Variants in PLCL1 observed in about 807,000 individuals in gnomAD.
PLCL1 encodes inactive phospholipase C-like protein 1.
A neutral mutation model predicts 84.4 loss-of-function variants in PLCL1; 41 were observed. The observed-to-expected ratio is 0.49, with a 90% confidence interval of 0.38 to 0.63. PLCL1 has a LOEUF of 0.63. PLCL1 is among the 30% of genes least tolerant of loss of function. The pLI is 0.00. For missense variants in PLCL1, 1,206 were observed against 1,367.8 expected (o/e 0.88, Z 1.87); for synonymous variants, 490 against 488.3 (o/e 1.00, Z -0.05).
rs1024268711 is a variant in PLCL1, at chr2:197,805,921, C to G, written c.240+582C>G. Among the ~76,000 whole-genome samples the G allele has an allele frequency of 6.6e-6, 1 of 152,184 alleles. No individual in the cohort carries two copies. The highest frequency in any genetic ancestry group is 2.4e-5 in the African/African-American group (1 of 41,440). ...GCACAACCGGAAAGCAATCAATCCC[C>G]CAAGCATTATCACTGGTCCTTGTGG... On this transcript the variant is annotated intron_variant, in intron 1 of 5. Transcript: ENST00000428675. The surrounding 1 kb of genome is among the most constrained non-coding windows in gnomAD (Gnocchi z 4.0).
At chr2:198,035,591 G>A (rs1384527630) in intron 1 of PLCL1, among the ~76,000 whole-genome samples, 2 of 152,132 alleles carry the variant, frequency 1.3e-5, no homozygotes, top group African/African-American at 2.4e-5. Flanking sequence ...GCTCCTACTA[G>A]CCAAATACAG....
At chr2:198,055,329 C>CTCTCTCTGTG (rs374518934) in intron 1 of PLCL1, among the ~76,000 whole-genome samples, 22 of 112,346 alleles carry the variant, frequency 2.0e-4, no homozygotes, top group African/African-American at 3.5e-4. Context: ...CTCTCTCTCT[C>CTCTCTCTGTG]TGTGTGTGTG....
intron 1 of PLCL1, among the ~76,000 whole-genome samples, chr2:198,026,747 A>G (rs2105844895): frequency 6.6e-6 from 1 of 152,348 alleles, no homozygotes; most frequent in Non-Finnish European, 1.5e-5. Context: ...GCCATTTTAA[A>G]CAGGGTATAT....
chr2:198,029,040 A>G (rs1264105264), intron 1 of PLCL1, among the ~76,000 whole-genome samples: 4 of 152,232 alleles, frequency 2.6e-5, no homozygotes, highest in Non-Finnish European at 5.9e-5. Context: ...GTATATTCAC[A>G]GCATATCAGT....
At chr2:197,856,159 C>T (rs1390417129) in intron 1 of PLCL1, among the ~76,000 whole-genome samples, 1 of 152,132 alleles carries the variant, frequency 6.6e-6, no homozygotes, top group African/African-American at 2.4e-5. Context: ...TTAGAGGAAA[C>T]ACACATATGC....
At position 197,902,179 on chromosome 2, in the gene PLCL1, G is replaced by A. The variant is rs918877395; in HGVS notation, c.240+96840G>A. On this transcript the variant is annotated intron_variant, in intron 1 of 5. Coordinates refer to ENST00000428675, the MANE Select transcript of PLCL1 (RefSeq NM_006226.4). ...TGAGCAGCCCCATTTTCTGCATTAC[G>A]ACCCTTTTGTGGGCCTGATACGCAG... Among the ~76,000 whole-genome samples the A allele has an allele frequency of 2.6e-5, 4 of 152,088 alleles. 1 individual carries two copies. Among genetic ancestry groups the A allele is most frequent in the Admixed American group, 2.6e-4 (4 of 15,258 alleles).
chr2:198,090,842 G>A (rs1413954726), intron 3 of PLCL1, among the ~76,000 whole-genome samples: 2 of 152,142 alleles, frequency 1.3e-5, no homozygotes, highest in Non-Finnish European at 2.9e-5. Context: ...CCTGAAGCTG[G>A]CCTGTAATAA....
At chr2:197,956,452 G>T (rs190073822) in intron 1 of PLCL1, among the ~76,000 whole-genome samples, 2 of 152,204 alleles carry the variant, frequency 1.3e-5, no homozygotes, top group African/African-American at 4.8e-5. Context: ...GGGATTACGG[G>T]GTCAAATGGT....
intron 1 of PLCL1, among the ~76,000 whole-genome samples, chr2:198,053,880 TAG>T (rs1692001549): frequency 6.6e-6 from 1 of 152,228 alleles, no homozygotes; most frequent in African/African-American, 2.4e-5. Flanking sequence ...GGGTTTTGTG[TAG>T]AGCATGTCAA....
At chr2:197,989,658 C>T (rs962563158) in intron 1 of PLCL1, among the ~76,000 whole-genome samples, 20 of 151,972 alleles carry the variant, frequency 1.3e-4, no homozygotes, top group African/African-American at 3.6e-4. Context: ...GAGCTGAGAT[C>T]GCACCATTGC....
intron 1 of PLCL1, among the ~76,000 whole-genome samples, chr2:198,005,074 G>A (rs962242404): frequency 6.6e-6 from 1 of 152,190 alleles, no homozygotes; most frequent in South Asian, 2.1e-4. Context: ...AGACAAGGCA[G>A]GGTAGGGAGG....
intron 1 of PLCL1, among the ~76,000 whole-genome samples, chr2:198,021,669 A>G (rs1691138026): frequency 6.6e-6 from 1 of 152,196 alleles, no homozygotes; most frequent in African/African-American, 2.4e-5. Flanking sequence ...TCCTGGACAC[A>G]CACACCCTCC....
chr2:198,114,437 A>G (rs1296497852), intron 5 of PLCL1, among the ~76,000 whole-genome samples: 1 of 151,866 alleles, frequency 6.6e-6, no homozygotes, highest in East Asian at 1.9e-4. Context: ...TAGATGCATC[A>G]TAGACCAGAG....
chr2:197,983,200 C>CTTTTTTTCTTTTTTTTTTTTTTTTTTTTT (rs1690150482), intron 1 of PLCL1, among the ~76,000 whole-genome samples: 2 of 60,256 alleles, frequency 3.3e-5, no homozygotes, highest in African/African-American at 1.3e-4. Flanking sequence ...CTTTTCTTTT[C>CTTTTTTTCTTTTTTTTTTTTTTTTTTTTT]TTTTTTTTTT....
At chr2:197,812,552 T>A (rs1202370893) in intron 1 of PLCL1, among the ~76,000 whole-genome samples, 1 of 152,252 alleles carries the variant, frequency 6.6e-6, no homozygotes, top group East Asian at 1.9e-4. Flanking sequence ...TTAGTAATGA[T>A]GAGCATTTTA....
intron 1 of PLCL1, among the ~76,000 whole-genome samples, chr2:197,905,947 T>C (rs1457282784): frequency 6.6e-6 from 1 of 152,198 alleles, no homozygotes; most frequent in Non-Finnish European, 1.5e-5. Context: ...TTTAAGTTCT[T>C]TGTAGATTCT....
At chr2:197,847,777 G>A (rs760820897) in intron 1 of PLCL1, among the ~76,000 whole-genome samples, 5 of 152,200 alleles carry the variant, frequency 3.3e-5, no homozygotes, top group Middle Eastern at 3.4e-3. Flanking sequence ...CACTTTTCCC[G>A]CTCTCAAGCT....
chr2:197,905,470 C>T (rs545297289), intron 1 of PLCL1, among the ~76,000 whole-genome samples: 8 of 152,280 alleles, frequency 5.3e-5, no homozygotes, highest in African/African-American at 1.7e-4. Flanking sequence ...TGTATATGTG[C>T]CACATTTTCT....
chr2:198,066,251 A>T (rs1251308241), intron 1 of PLCL1, among the ~76,000 whole-genome samples: 3 of 152,178 alleles, frequency 2.0e-5, no homozygotes, highest in Non-Finnish European at 4.4e-5. Context: ...CCTAAATCCC[A>T]AATTTTTACC....
Sources: allele counts gnomAD v4.1 joint callset (sites outside exome capture counted in the v4.1 genomes callset), GRCh38; gene constraint gnomAD v4.1.1; non-coding constraint Gnocchi (gnomAD v3.1); transcripts MANE v1.5; gene names NCBI Gene and HGNC (gene_info 2026-07-23, HGNC 2026-07-21).